Variants in CPQ observed in about 807,000 individuals in gnomAD.
The protein encoded by CPQ is Ser-Met dipeptidase.
A neutral mutation model predicts 45.7 loss-of-function variants in CPQ; 37 were observed. That is an observed-to-expected ratio of 0.81 (90% CI 0.62 to 1.07). The LOEUF (loss-of-function observed/expected upper bound fraction) is 1.07. CPQ is among the 50% of genes least tolerant of loss of function. CPQ has a pLI of 0.00. For missense variants in CPQ, 537 were observed against 572.9 expected (o/e 0.94, Z 0.64); for synonymous variants, 186 against 205.8 (o/e 0.90, Z 0.82).
intron 4 of CPQ, among the ~76,000 whole-genome samples, chr8:96,934,622 C>T (rs1181017097): frequency 6.6e-6 from 1 of 152,126 alleles, no homozygotes; most frequent in Non-Finnish European, 1.5e-5. Flanking sequence ...TTAATGTGAG[C>T]AACCCACGTT....
intron 1 of CPQ, among the ~76,000 whole-genome samples, chr8:96,721,708 TAA>T (rs1809766413): frequency 2.0e-5 from 3 of 152,160 alleles, no homozygotes; most frequent in African/African-American, 7.2e-5. Flanking sequence ...ATCCTTAGGA[TAA>T]AGTTCAGTCC....
intron 4 of CPQ, among the ~76,000 whole-genome samples, chr8:96,918,333 C>T (rs1411541848): frequency 6.6e-6 from 1 of 152,088 alleles, no homozygotes; most frequent in Non-Finnish European, 1.5e-5. Flanking sequence ...TACCTCCTTT[C>T]CCTGACCTAT....
In CPQ at chr8:96,882,185, CATCTGCTTCAAGG is replaced by C. The variant is rs540684376; in HGVS notation, c.849+2182_849+2194del. 4.0e-4 allele frequency among the ~76,000 whole-genome samples: 61 copies of C among 152,298 alleles called. No individual in the cohort carries two copies. In the South Asian group the frequency reaches 0.012, roughly 31 times the overall value. On this transcript the variant is annotated intron_variant, in intron 4 of 7. Transcript: ENST00000220763. ...AGGACTCTTTTCCCTCTTCTAAAAT[CATCTGCTTCAAGG>C]ACCTGGGCATCAACCATGGCTTTTG...
At chr8:96,727,358 A>T (rs1206381748) in intron 1 of CPQ, among the ~76,000 whole-genome samples, 3 of 152,162 alleles carry the variant, frequency 2.0e-5, no homozygotes, top group Non-Finnish European at 4.4e-5. Flanking sequence ...TCTCACTTTG[A>T]AAACAGGTGT....
intron 1 of CPQ, among the ~76,000 whole-genome samples, chr8:96,750,341 A>C (rs966692260): frequency 6.6e-6 from 1 of 152,016 alleles, no homozygotes; most frequent in Non-Finnish European, 1.5e-5. Flanking sequence ...ATTTTGAAAA[A>C]GTTATTTCTT....
intron 4 of CPQ, among the ~76,000 whole-genome samples, chr8:96,899,220 G>A (rs1446864607): frequency 6.6e-6 from 1 of 152,118 alleles, no homozygotes; most frequent in Admixed American, 6.6e-5. Context: ...TGTATCTTTG[G>A]TATTTAATAT....
intron 4 of CPQ, among the ~76,000 whole-genome samples, chr8:96,898,776 T>TTAA (rs1486768239): frequency 7.3e-6 from 1 of 137,646 alleles, no homozygotes. Flanking sequence ...TAGGGTATAA[T>TTAA]AAAAAAAAAA....
At chr8:96,959,891 CAAA>C (rs540520742) in intron 4 of CPQ, among the ~76,000 whole-genome samples, 9 of 80,532 alleles carry the variant, frequency 1.1e-4, no homozygotes, top group African/African-American at 2.6e-4. Context: ...ATCACAAAAG[CAAA>C]AAAAAAAAAA....
chr8:97,056,112 A>T (rs1810452361), intron 6 of CPQ, among the ~76,000 whole-genome samples: 1 of 151,824 alleles, frequency 6.6e-6, no homozygotes, highest in Admixed American at 6.6e-5. Flanking sequence ...ACACACACAC[A>T]CACACACACA....
chr8:96,973,784 G>T, intron 5 of CPQ, among the ~76,000 whole-genome samples: 1 of 152,140 alleles, frequency 6.6e-6, no homozygotes, highest in East Asian at 1.9e-4. Context: ...CTTCATAAAT[G>T]AAGGAAAGAT....
At chr8:96,817,807 G>A (rs1042658135) in intron 2 of CPQ, among the ~76,000 whole-genome samples, 25 of 151,958 alleles carry the variant, frequency 1.6e-4, no homozygotes, top group African/African-American at 6.0e-4. Flanking sequence ...TGGAGACAGG[G>A]TCTCACTATG....
rs1291537912 is a variant in CPQ at position 96,739,148 on chromosome 8, C to A, written c.-34-45716C>A. Among the ~76,000 whole-genome samples, 399 of 145,866 alleles carry A rather than the reference C, an allele frequency of 2.7e-3. 3 individuals are homozygous for A. Among genetic ancestry groups the A allele is most frequent in the African/African-American group, 9.7e-3 (383 of 39,676 alleles). On this transcript the variant is annotated intron_variant, in intron 1 of 7. Transcript: ENST00000220763. ...TTGTTTCCTGACTTTTTAATGATTG[C>A]CATTCTAACTGGTGTGAGATGGTAT...
chr8:97,019,583 A>T (rs12680894), intron 5 of CPQ, among the ~76,000 whole-genome samples: 83,059 of 151,964 alleles, frequency 0.55, 24,041 homozygotes, highest in Non-Finnish European at 0.64. Context: ...CTATTCTTTT[A>T]TCAGACAAAA....
intron 3 of CPQ, among the ~76,000 whole-genome samples, chr8:96,853,844 A>T (rs1811804868): frequency 1.3e-5 from 2 of 152,200 alleles, no homozygotes; most frequent in Admixed American, 1.3e-4. Flanking sequence ...TAGGATTCCC[A>T]TAGTCATGGC....
At chr8:96,833,755 G>A (rs1250838110) in intron 2 of CPQ, among the ~76,000 whole-genome samples, 1 of 152,128 alleles carries the variant, frequency 6.6e-6, no homozygotes, top group African/African-American at 2.4e-5. Context: ...ATAGATCTTA[G>A]CCAATCACTT....
chr8:96,765,030 T>G (rs938047995), intron 1 of CPQ, among the ~76,000 whole-genome samples: 15 of 152,238 alleles, frequency 9.9e-5, no homozygotes, highest in Non-Finnish European at 2.2e-4. Context: ...CTAAATTGTT[T>G]GGAACAAGAA....
intron 6 of CPQ, among the ~76,000 whole-genome samples, chr8:97,060,449 T>C (rs1421849856): frequency 2.0e-5 from 3 of 152,172 alleles, no homozygotes; most frequent in Non-Finnish European, 4.4e-5. Flanking sequence ...AGAGGTTACC[T>C]TGGAGCATTC....
In CPQ at chr8:96,976,105, A is replaced by G. The variant is rs528490741; in HGVS notation, c.961+10059A>G. On this transcript the variant is annotated intron_variant, in intron 5 of 7. Coordinates refer to ENST00000220763, the MANE Select transcript of CPQ (RefSeq NM_016134.4). The stretch of plus-strand genomic sequence containing the variant: ...GTAGAAAACCCTAAAGACTCATCCA[A>G]AAAGCTCCTAAAACTAGCAAATGAA... Among the ~76,000 whole-genome samples, 20 of 152,118 alleles carry G rather than the reference A, an allele frequency of 1.3e-4. 1 individual carries two copies. The South Asian group carries it at 3.5e-3, about 27-fold the overall frequency.
At chr8:96,747,750 C>T (rs1446669951) in intron 1 of CPQ, among the ~76,000 whole-genome samples, 1 of 152,152 alleles carries the variant, frequency 6.6e-6, no homozygotes, top group Non-Finnish European at 1.5e-5. Context: ...CTTTGGAGTA[C>T]ATGGACCAGA....
Sources: allele counts gnomAD v4.1 joint callset (sites outside exome capture counted in the v4.1 genomes callset), GRCh38; gene constraint gnomAD v4.1.1; transcripts MANE v1.5; gene names NCBI Gene and HGNC (gene_info 2026-07-23, HGNC 2026-07-21).